DMTN: variants seen among roughly 807,000 people sequenced by gnomAD.
The protein encoded by DMTN is dematin.
In DMTN, 27 loss-of-function variants were observed where a neutral mutation model predicts 59.4. The observed-to-expected ratio is 0.45, with a 90% CI of 0.33 to 0.63. The LOEUF (loss-of-function observed/expected upper bound fraction) is 0.63, where lower values mean the gene tolerates loss of function less well. DMTN is among the 20% of genes least tolerant of loss of function. DMTN has a pLI of 0.02. For missense variants in DMTN, 451 were observed against 528.9 expected, an observed-to-expected ratio of 0.85 and a Z score of 1.45; for synonymous variants, 221 against 203.7, an observed-to-expected ratio of 1.08 and a Z score of -0.72.
chr8:22,056,701 A>G (rs572774472), upstream of DMTN, among the ~76,000 whole-genome samples: 1 of 152,270 alleles, frequency 6.6e-6, no homozygotes, highest in African/African-American at 2.4e-5. Flanking sequence ...CGCTGGTGGA[A>G]GAGCGCGCAC....
intron 1 of DMTN, chr8:22,059,338 G>C (rs1368345483): frequency 6.6e-6 from 1 of 152,256 alleles, no homozygotes; most frequent in Non-Finnish European, 1.5e-5. Flanking sequence ...TGGATGACTT[G>C]CCTCGTTTCA....
intron 8 of DMTN, among the ~76,000 whole-genome samples, chr8:22,071,728 C>T (rs1004129514): frequency 1.9e-4 from 29 of 151,920 alleles, no homozygotes; most frequent in African/African-American, 7.0e-4. Context: ...TACAGGCGCC[C>T]GCCACCACGC....
chr8:22,056,913 C>CGCTCA lies in DMTN; in HGVS notation c.-392_-388dup, dbSNP rs1802917486. 6.6e-6 allele frequency: 1 copy of CGCTCA among 152,236 alleles called. No individual in the cohort carries two copies. The highest frequency in any genetic ancestry group is 2.4e-5 in the African/African-American group (1 of 41,418). The allele number at this position is 152,236 out of a possible 1,614,324, so 9.4% of individuals were successfully genotyped here. The stretch of plus-strand genomic sequence containing the variant: ...TGGGGGCCCAGAGGGGAGATCAGAC[C>CGCTCA]GCTCAGCCGAGACCAGCTCCCCTCC... On this transcript the variant is annotated 5_prime_UTR_variant, in exon 1 of 16. Transcript: ENST00000358242.
Position 22,080,831 on chromosome 8 carries a change from G to A in DMTN, c.984G>A (p.Met328Ile). The A allele has an allele frequency of 2.5e-6, 4 of 1,599,444 alleles. No homozygotes were observed. The highest frequency in any genetic ancestry group is 1.7e-4 in the Middle Eastern group (1 of 6,012). ...ACGGAGAGGGCCAGAGGGGGAGGAT[G>A]GACCGGGGGAACTCCCTGCCCTGTG... The part of the protein sequence containing the change: ...LQNGEGQRGR[M>I]DRGNSLPCVL... The change falls in exon 14 of 16, where the codon ATG (methionine) becomes ATA (isoleucine). Residue 328 changes from methionine (M) to isoleucine (I), a missense_variant. Met to Ile is a conservative substitution (Grantham distance 10). Transcript: ENST00000358242.
intron 7 of DMTN, 58 bp from the exon 8 acceptor site, chr8:22,070,124 G>GGTA: frequency 6.4e-7 from 1 of 1,556,684 alleles, no homozygotes; most frequent in Non-Finnish European, 8.7e-7. Context: ...GAGGGGTGAA[G>GGTA]GTAGCCAAGT....
At chr8:22,078,891 G>T (rs1320071719) in intron 10 of DMTN, among the ~76,000 whole-genome samples, 1 of 144,204 alleles carries the variant, frequency 6.9e-6, no homozygotes, top group Non-Finnish European at 1.5e-5. Flanking sequence ...CCGCCTCCCA[G>T]GTTCACGCCA....
intron 10 of DMTN, among the ~76,000 whole-genome samples, chr8:22,077,614 C>A (rs1820766391): frequency 6.6e-6 from 1 of 152,202 alleles, no homozygotes; most frequent in Admixed American, 6.5e-5. Context: ...ATCTTCTGTT[C>A]AGCCCAGATT....
intron 4 of DMTN, among the ~76,000 whole-genome samples, chr8:22,068,093 C>G (rs1352483747): frequency 3.3e-5 from 5 of 152,174 alleles, no homozygotes. Context: ...GTGCAGGAGA[C>G]AGTGCAAGGC....
At chr8:22,079,277 A>AATAAATATATATATATATATATATAT (rs71204534) in intron 10 of DMTN, among the ~76,000 whole-genome samples, 2 of 27,682 alleles carry the variant, frequency 7.2e-5, no homozygotes, top group East Asian at 2.0e-3. Flanking sequence ...TAAATAAATA[A>AATAAATATATATATATATATATATAT]ATATATATAT....
intron 1 of DMTN, among the ~76,000 whole-genome samples, chr8:22,063,972 G>A (rs1808460858): frequency 6.6e-6 from 1 of 152,198 alleles, no homozygotes; most frequent in African/African-American, 2.4e-5. Flanking sequence ...TGCAGAATAG[G>A]TGCTCAGAAA....
At chr8:22,048,936 G>C (rs1452649530), upstream of DMTN, 1 of 148,818 alleles carries the variant, frequency 6.7e-6, no homozygotes, top group East Asian at 2.0e-4. This position sits in a 1 kb window ranked among gnomAD's most constrained non-coding sequence, Gnocchi z 6.9. Flanking sequence ...CCCCCAGGAG[G>C]CCGCGGGCTC....
chr8:22,071,497 C>A (rs1432244156), intron 8 of DMTN, among the ~76,000 whole-genome samples: 2 of 152,008 alleles, frequency 1.3e-5, no homozygotes, highest in African/African-American at 4.8e-5. Context: ...TGAGTTCAAG[C>A]GATTTTCCTG....
At chr8:22,061,894 C>G (rs1011949314) in intron 1 of DMTN, among the ~76,000 whole-genome samples, 9 of 147,842 alleles carry the variant, frequency 6.1e-5, no homozygotes, top group African/African-American at 1.8e-4. Context: ...GCTGGGACCA[C>G]AGATGTGCAC....
Position 22,082,116 on chromosome 8 carries a change from C to G in DMTN, c.*653C>G. On this transcript the variant is annotated 3_prime_UTR_variant, in exon 16 of 16. Coordinates refer to ENST00000358242, the MANE Select transcript of DMTN (RefSeq NM_001387751.1). ...CCGCCTACACACGATCCTGGCCCTC[C>G]ACCTGCCTCCAGGCCACGAAATGGG... The G allele has an allele frequency of 2.2e-6, 1 of 456,450 alleles. No homozygotes were observed. The allele number at this position is 456,450 out of a possible 1,614,324, so 28.3% of individuals were successfully genotyped here.
In DMTN at chr8:22,081,148, G is replaced by C; in HGVS notation, c.1059G>C (p.Lys353Asn). 6.2e-7 allele frequency: 1 copy of C among 1,611,138 alleles called. No homozygotes were observed. Among genetic ancestry groups the C allele is most frequent in the Non-Finnish European group, 8.5e-7 (1 of 1,179,442 alleles). The change falls in exon 15 of 16, where the codon AAG (lysine) becomes AAC (asparagine). Residue 353 changes from lysine to asparagine, a missense_variant. Physicochemically the swap from Lys to Asn is moderately conservative, Grantham distance 94 (BLOSUM62 0). Coordinates refer to ENST00000358242, the MANE Select transcript of DMTN (RefSeq NM_001387751.1). The stretch of plus-strand genomic sequence containing the variant: ...ATGAAATGCTAGTGGTGACCAACAA[G>C]GGGCGAACCAAGCTGCCACCGGGGG... The part of the protein sequence containing the change: ...YPYEMLVVTN[K>N]GRTKLPPGVD...
chr8:22,069,752 G>T, intron 6 of DMTN, 129 bp from the exon 7 acceptor site: 1 of 1,134,356 alleles, frequency 8.8e-7, no homozygotes, highest in Non-Finnish European at 1.3e-6. Context: ...AGGAATGCCA[G>T]CCCTGTCTTG....
In DMTN at chr8:22,081,145, C is replaced by T; in HGVS notation, c.1056C>T (p.Asn352=). 6.4e-7 allele frequency: 1 copy of T among 1,573,090 alleles called. No homozygotes were observed. Among genetic ancestry groups the T allele is most frequent in the Non-Finnish European group, 8.6e-7 (1 of 1,156,376 alleles). The change falls in exon 15 of 16, where the codon AAC becomes AAT. Residue 352 remains asparagine (N), a synonymous_variant. Transcript: ENST00000358242. ...CCTATGAAATGCTAGTGGTGACCAA[C>T]AAGGGGCGAACCAAGCTGCCACCGG... ...IYPYEMLVVT[N]KGRTKLPPGV...
Position 22,069,419 on chromosome 8 carries a change from G to T in DMTN, c.295G>T (p.Val99Leu). 6.2e-7 allele frequency: 1 copy of T among 1,612,824 alleles called. No homozygotes were observed. The highest frequency in any genetic ancestry group is 8.5e-7 in the Non-Finnish European group (1 of 1,179,408). The change falls in exon 6 of 16, where the codon GTG (valine) becomes TTG (leucine). Residue 99 changes from valine to leucine, a missense_variant and splice_region_variant. Val to Leu is a conservative substitution (Grantham distance 32). Transcript: ENST00000358242. Reference protein sequence around the residue: ...KSTSPPPSPEVWADSRSPGII... With the variant: ...KSTSPPPSPELWADSRSPGII... ...GGAGCCACACGCTTCTGCTCTGCAGGTGTGGGCGGACAGCCGGTCGCCTGG... is the reference window on the plus strand; with the variant it reads ...GGAGCCACACGCTTCTGCTCTGCAGTTGTGGGCGGACAGCCGGTCGCCTGG...
Position 22,080,831 on chromosome 8 carries a change from G to C in DMTN, c.984G>C (p.Met328Ile). 12 of 1,599,444 alleles carry C rather than the reference G, an allele frequency of 7.5e-6. No individual in the cohort carries two copies. The highest frequency in any genetic ancestry group is 1.0e-5 in the Non-Finnish European group (12 of 1,170,448). Residue 328 changes from methionine to isoleucine, a missense_variant, in exon 14 of 16, where the codon ATG (methionine) becomes ATC (isoleucine). By Grantham distance (10) the Met-to-Ile change is conservative (BLOSUM62 1). Coordinates refer to ENST00000358242, the MANE Select transcript of DMTN (RefSeq NM_001387751.1). ...LQNGEGQRGR[M>I]DRGNSLPCVL... ...ACGGAGAGGGCCAGAGGGGGAGGAT[G>C]GACCGGGGGAACTCCCTGCCCTGTG... is the stretch of plus-strand genomic sequence containing the variant.
Sources: gnomAD v4.1 joint callset for allele counts (sites outside exome capture counted in the v4.1 genomes callset) on GRCh38, gnomAD v4.1.1 for gene constraint, Gnocchi (gnomAD v3.1) non-coding constraint, MANE v1.5 for transcripts, NCBI Gene and HGNC (gene_info 2026-07-23, HGNC 2026-07-21) for gene names.